Variants in PDE8B observed in about 807,000 individuals in gnomAD.
PDE8B encodes the protein phosphodiesterase 8B.
Under a neutral mutation model 101.3 loss-of-function variants are expected in PDE8B, and 26 were observed. The ratio of observed to expected loss-of-function variants is 0.26; its 90% CI spans 0.19 to 0.36. The LOEUF is 0.36. PDE8B is among the 10% of genes least tolerant of loss of function. The pLI, the probability that PDE8B is intolerant of heterozygous loss-of-function variation, is 1.00. For missense variants in PDE8B, 810 were observed against 1,163.1 expected, an observed-to-expected ratio of 0.70 and a Z score of 4.42; for synonymous variants, 424 against 429.3, an observed-to-expected ratio of 0.99 and a Z score of 0.15.
the PDE8B span, chr5:77,148,612 T>C: frequency 2.0e-5 from 3 of 152,258 alleles, no homozygotes; most frequent in African/African-American, 7.2e-5. Context: ...TTTTAATTTG[T>C]GTCTCCCTAA....
intron 6 of PDE8B, among the ~76,000 whole-genome samples, chr5:77,339,740 T>C (rs1368253348): frequency 6.6e-6 from 1 of 152,152 alleles, no homozygotes; most frequent in African/African-American, 2.4e-5. Context: ...ATCATTACTG[T>C]CATTCTGCAA....
chr5:77,333,238 T>C (rs529362026), intron 5 of PDE8B, among the ~76,000 whole-genome samples: 1 of 152,312 alleles, frequency 6.6e-6, no homozygotes, highest in East Asian at 1.9e-4. Flanking sequence ...AAAGCTATTC[T>C]TAGGTGCTAT....
At chr5:77,373,264 T>A (rs1328455092) in intron 10 of PDE8B, among the ~76,000 whole-genome samples, 1 of 152,180 alleles carries the variant, frequency 6.6e-6, no homozygotes, top group African/African-American at 2.4e-5. Context: ...CTTGGTTTAG[T>A]TTGCTCCTTT....
At chr5:77,421,665 A>G (rs192056978) in intron 19 of PDE8B, among the ~76,000 whole-genome samples, 156 bp from the exon 20 acceptor site, 197 of 152,226 alleles carry the variant, frequency 1.3e-3, no homozygotes, top group African/African-American at 4.4e-3. Flanking sequence ...ATGTGTCAGT[A>G]TATTATATAT....
At chr5:77,369,154 G>C (rs1225553220) in intron 10 of PDE8B, among the ~76,000 whole-genome samples, 1 of 127,548 alleles carries the variant, frequency 7.8e-6, no homozygotes, top group Non-Finnish European at 1.5e-5. Flanking sequence ...AGTGAGCCGA[G>C]ATCATGCCAC....
intron 1 of PDE8B, among the ~76,000 whole-genome samples, chr5:77,280,667 G>A (rs1483190831): frequency 1.3e-5 from 2 of 152,104 alleles, no homozygotes; most frequent in Non-Finnish European, 2.9e-5. Context: ...AGTCCAAGGC[G>A]GGTGGATCAC....
chr5:77,342,468 A>G (rs1334868461), intron 6 of PDE8B, among the ~76,000 whole-genome samples: 1 of 152,174 alleles, frequency 6.6e-6, no homozygotes, highest in Non-Finnish European at 1.5e-5. Context: ...ATAGGAAGAC[A>G]AAGTTAGAAT....
At chr5:77,212,872 G>A (rs367600603) in intron 1 of PDE8B, among the ~76,000 whole-genome samples, 2 of 152,136 alleles carry the variant, frequency 1.3e-5, no homozygotes, top group South Asian at 4.2e-4. Context: ...TTTGCCTGAC[G>A]GTTGAAGACC....
the PDE8B span, among the ~76,000 whole-genome samples, chr5:77,135,962 A>T: frequency 6.6e-6 from 1 of 152,070 alleles, no homozygotes; most frequent in Non-Finnish European, 1.5e-5. Context: ...TATTAGTTGG[A>T]TGTTGACCCC....
intron 10 of PDE8B, among the ~76,000 whole-genome samples, chr5:77,385,777 C>T (rs1421432147): frequency 1.7e-4 from 24 of 139,852 alleles, no homozygotes; most frequent in African/African-American, 5.4e-4. Flanking sequence ...TGTAGTTGTG[C>T]GGTTTTGAGT....
the PDE8B span, among the ~76,000 whole-genome samples, chr5:77,197,744 C>T: frequency 3.9e-5 from 6 of 152,206 alleles, no homozygotes; most frequent in South Asian, 2.1e-4. Context: ...TCTTTGAGTT[C>T]ACTGATCTTT....
At chr5:77,213,670 T>G (rs530382880) in intron 1 of PDE8B, among the ~76,000 whole-genome samples, 1 of 152,316 alleles carries the variant, frequency 6.6e-6, no homozygotes, top group Non-Finnish European at 1.5e-5. Context: ...TCTTTACCAT[T>G]TGGTCCTGTT....
the PDE8B span, among the ~76,000 whole-genome samples, chr5:77,137,130 G>T: frequency 6.6e-6 from 1 of 152,186 alleles, no homozygotes; most frequent in Non-Finnish European, 1.5e-5. Flanking sequence ...GTATTGTGAT[G>T]TGCGCTTCTG....
intron 1 of PDE8B, among the ~76,000 whole-genome samples, chr5:77,262,815 C>A (rs1302933072): frequency 6.6e-6 from 1 of 152,190 alleles, no homozygotes; most frequent in Admixed American, 6.5e-5. Flanking sequence ...TTCTGTGAAC[C>A]ACATGACCTG....
At chr5:77,204,011 T>A in the PDE8B span, among the ~76,000 whole-genome samples, 3,537 of 148,120 alleles carry the variant, frequency 0.024, 147 homozygotes, top group African/African-American at 0.081. Context: ...TTGTAAATGT[T>A]AAAAAAAAAT....
chr5:77,378,564 G>A (rs1022218915), intron 10 of PDE8B, among the ~76,000 whole-genome samples: 1 of 148,612 alleles, frequency 6.7e-6, no homozygotes, highest in African/African-American at 2.5e-5. Context: ...GTGTGTAATT[G>A]AATCACCTGG....
intron 1 of PDE8B, chr5:77,290,500 C>G: frequency 6.8e-7 from 1 of 1,468,248 alleles, no homozygotes; most frequent in African/African-American, 1.4e-5. Context: ...GCAGATATTC[C>G]TGCTCCAAAA....
chr5:77,178,366 A>G, the PDE8B span, among the ~76,000 whole-genome samples: 1 of 152,124 alleles, frequency 6.6e-6, no homozygotes, highest in South Asian at 2.1e-4. Context: ...TTTGCATCAG[A>G]CTTTATTAAA....
At chr5:77,236,692 A>G (rs1467980269) in intron 1 of PDE8B, among the ~76,000 whole-genome samples, 2 of 152,136 alleles carry the variant, frequency 1.3e-5, no homozygotes, top group Admixed American at 6.5e-5. Context: ...TCAAAGAGAG[A>G]ATGGGGGAGA....
Sources: gnomAD v4.1 joint callset for allele counts (sites outside exome capture counted in the v4.1 genomes callset) on GRCh38, gnomAD v4.1.1 for gene constraint, MANE v1.5 for transcripts, NCBI Gene and HGNC (gene_info 2026-07-23, HGNC 2026-07-21) for gene names.